SGCD: variants seen among roughly 807,000 people sequenced by gnomAD.
The protein encoded by SGCD is sarcoglycan delta.
Under a neutral mutation model 36.6 loss-of-function variants are expected in SGCD, and 18 were observed. That is an observed-to-expected ratio of 0.49 (90% CI 0.34 to 0.73). The LOEUF is 0.73. Ranked by LOEUF, SGCD falls within the 30% of genes least tolerant of loss-of-function variation. SGCD has a pLI of 0.01. For missense variants in SGCD, 387 were observed against 346.7 expected (o/e 1.12, Z -0.92); for synonymous variants, 133 against 130.6 (o/e 1.02, Z -0.12).
intron 4 of SGCD, among the ~76,000 whole-genome samples, chr5:156,565,683 C>G (rs2113264403): frequency 6.6e-6 from 1 of 152,208 alleles, no homozygotes; most frequent in South Asian, 2.1e-4. Context: ...TCTCCTAATG[C>G]TATCCCTCCC....
the SGCD span, among the ~76,000 whole-genome samples, chr5:155,818,926 A>G: frequency 3.0e-4 from 46 of 152,244 alleles, no homozygotes; most frequent in African/African-American, 1.1e-3. Context: ...TTCTTTGGCA[A>G]TTTCCATCCT....
rs77098635 is a variant in SGCD at position 155,891,167 on chromosome 5, A to T, written c.-282+20743A>T. On this transcript the variant is annotated intron_variant, in intron 1 of 9. Transcript: ENST00000517913. ...CCCCTATTGCTGATGTATCTGGAGGAACTTCATGTACAGATCCACTTTCTG... is the reference window on the plus strand; with the variant it reads ...CCCCTATTGCTGATGTATCTGGAGGTACTTCATGTACAGATCCACTTTCTG... Among the ~76,000 whole-genome samples, 4 of 152,300 alleles carry T rather than the reference A, an allele frequency of 2.6e-5. No homozygotes were observed. The East Asian group carries it at 7.7e-4, about 29-fold the overall frequency.
At chr5:155,809,878 T>C in the SGCD span, among the ~76,000 whole-genome samples, 1 of 152,196 alleles carries the variant, frequency 6.6e-6, no homozygotes, top group Non-Finnish European at 1.5e-5. Context: ...ATAATCATCA[T>C]CTGATGAAAG....
At chr5:156,700,241 G>A (rs1303219470) in intron 7 of SGCD, among the ~76,000 whole-genome samples, 1 of 152,124 alleles carries the variant, frequency 6.6e-6, no homozygotes, top group Admixed American at 6.6e-5. Context: ...ACAGTCCAGA[G>A]ATCCTCCAAC....
chr5:155,984,544 C>T (rs1292100980), intron 1 of SGCD, among the ~76,000 whole-genome samples: 3 of 152,166 alleles, frequency 2.0e-5, no homozygotes, highest in East Asian at 1.9e-4. Flanking sequence ...TATGGACAAT[C>T]GTTAGAACAG....
chr5:156,095,018 T>C (rs1448977327), intron 1 of SGCD, among the ~76,000 whole-genome samples: 1 of 152,004 alleles, frequency 6.6e-6, no homozygotes, highest in African/African-American at 2.4e-5. Flanking sequence ...AAAGCAGTCC[T>C]TTTGCTTATT....
intron 7 of SGCD, among the ~76,000 whole-genome samples, chr5:156,680,700 G>A (rs944922939): frequency 1.3e-5 from 2 of 152,164 alleles, no homozygotes; most frequent in African/African-American, 4.8e-5. Context: ...ATGTGAAAGG[G>A]GAAAACTGAG....
At chr5:156,033,804 C>G (rs956182647) in intron 1 of SGCD, among the ~76,000 whole-genome samples, 1 of 152,074 alleles carries the variant, frequency 6.6e-6, no homozygotes, top group Non-Finnish European at 1.5e-5. Flanking sequence ...CAAAATAGAC[C>G]AAAGACCCTG....
At chr5:156,231,742 G>A (rs748838917) in intron 3 of SGCD, among the ~76,000 whole-genome samples, 9 of 152,222 alleles carry the variant, frequency 5.9e-5, no homozygotes, top group Non-Finnish European at 2.9e-5. Flanking sequence ...TATTGGTACC[G>A]TGGTTATCCA....
chr5:156,224,402 T>C lies in SGCD; in HGVS notation c.-44+100383T>C, dbSNP rs1764796036. Among the ~76,000 whole-genome samples, 5 of 152,180 alleles carry C rather than the reference T, an allele frequency of 3.3e-5. No homozygotes were observed. In the South Asian group the frequency reaches 1.0e-3, roughly 31 times the overall value. ...GGGAGTGGCCCAGACAAAAGGAAAA[T>C]ATTATTTGTTTTTTGAGGAAAGCAA... On this transcript the variant is annotated intron_variant, in intron 3 of 9. Transcript: ENST00000517913.
At chr5:156,275,468 G>C (rs1164139248) in intron 3 of SGCD, among the ~76,000 whole-genome samples, 1 of 152,122 alleles carries the variant, frequency 6.6e-6, no homozygotes, top group Non-Finnish European at 1.5e-5. Context: ...CATAAAATAA[G>C]TAAATAAAAC....
intron 6 of SGCD, among the ~76,000 whole-genome samples, chr5:156,604,730 A>ATGTATATATACATATATACACATTTTATC (rs1761348348): frequency 1.3e-5 from 2 of 148,766 alleles, no homozygotes; most frequent in African/African-American, 2.4e-5. Context: ...CACATTATAT[A>ATGTATATATACATATATACACATTTTATC]TGTATATATA....
At chr5:156,535,421 A>C (rs986727759) in intron 4 of SGCD, among the ~76,000 whole-genome samples, 1 of 152,208 alleles carries the variant, frequency 6.6e-6, no homozygotes, top group African/African-American at 2.4e-5. Flanking sequence ...GTTTAATGAA[A>C]TTCTTTTCAA....
At chr5:156,377,044 C>A (rs970518960) in intron 3 of SGCD, among the ~76,000 whole-genome samples, 12 of 151,768 alleles carry the variant, frequency 7.9e-5, no homozygotes, top group African/African-American at 2.4e-4. Flanking sequence ...TATCTTGAAA[C>A]CACTAAAATG....
intron 3 of SGCD, among the ~76,000 whole-genome samples, chr5:156,208,706 A>G (rs1764355981): frequency 1.3e-5 from 2 of 152,182 alleles, no homozygotes; most frequent in Non-Finnish European, 2.9e-5. Flanking sequence ...TTATGTCTTC[A>G]TTAATTGTCT....
At chr5:156,337,678 A>G (rs568163564) in intron 2 of SGCD, among the ~76,000 whole-genome samples, 2 of 152,206 alleles carry the variant, frequency 1.3e-5, no homozygotes, top group South Asian at 4.1e-4. Flanking sequence ...ACCTAACTTT[A>G]GTTCTAGGGG....
chr5:156,557,744 C>T (rs558745613), intron 4 of SGCD, among the ~76,000 whole-genome samples: 10 of 152,116 alleles, frequency 6.6e-5, no homozygotes, highest in East Asian at 1.9e-4. Context: ...GAAAGTCTTC[C>T]GTGATATATC....
chr5:156,347,402 A>G (rs997670702), intron 3 of SGCD, among the ~76,000 whole-genome samples: 5 of 152,242 alleles, frequency 3.3e-5, no homozygotes, highest in African/African-American at 1.2e-4. Context: ...AAGCTAGGGC[A>G]GTAGTATGGA....
chr5:156,294,179 G>A (rs1315050163), intron 3 of SGCD, among the ~76,000 whole-genome samples: 1 of 152,008 alleles, frequency 6.6e-6, no homozygotes, highest in Non-Finnish European at 1.5e-5. Context: ...TTTGCATGTC[G>A]ACTTTGTATC....
Sources: gnomAD v4.1 joint callset for allele counts (sites outside exome capture counted in the v4.1 genomes callset) on GRCh38, gnomAD v4.1.1 for gene constraint, MANE v1.5 for transcripts, NCBI Gene and HGNC (gene_info 2026-07-23, HGNC 2026-07-21) for gene names.